The following PRDX3 variants were observed in gnomAD, a reference collection of about 807,000 sequenced individuals.
The protein encoded by PRDX3 is thioredoxin-dependent peroxide reductase, mitochondrial.
In PRDX3, 20 loss-of-function variants were observed where a neutral mutation model predicts 30.4. The observed-to-expected ratio is 0.66, with a 90% CI of 0.46 to 0.96. PRDX3 has a LOEUF of 0.96. Ranked by LOEUF, PRDX3 falls within the 40% of genes least tolerant of loss-of-function variation. PRDX3 has a pLI of 0.00. For synonymous variants in PRDX3, 124 were observed against 117.8 expected (o/e 1.05, Z -0.34); for missense variants, 322 against 318.3 (o/e 1.01, Z -0.09).
intron 1 of PRDX3, 86 bp downstream of exon 1, chr10:119,178,669 G>T: frequency 6.8e-7 from 1 of 1,480,658 alleles, no homozygotes; most frequent in Non-Finnish European, 9.2e-7. Flanking sequence ...TGGCCCTCAT[G>T]CCCAGAAGCG....
At chr10:119,176,464 T>C (rs1169390488) in intron 2 of PRDX3, among the ~76,000 whole-genome samples, 1 of 152,144 alleles carries the variant, frequency 6.6e-6, no homozygotes, top group Admixed American at 6.5e-5. Context: ...TAGTCAAATC[T>C]AGACAAGGTA....
chr10:119,174,720 A>G lies in PRDX3; in HGVS notation c.170-128T>C, dbSNP rs1589664686. 3 of 946,644 alleles carry G rather than the reference A, an allele frequency of 3.2e-6. No homozygotes were observed. In the African/African-American group the frequency reaches 5.1e-5, roughly 16 times the overall value. 58.6% of individuals were successfully genotyped at this position (946,644 alleles called of 1,614,324 possible). A position where few individuals can be genotyped will look rare whatever the true frequency, so the allele number is the denominator to read the frequency against. On this transcript the variant is annotated intron_variant, in intron 2 of 6. Coordinates refer to ENST00000298510, the MANE Select transcript of PRDX3 (RefSeq NM_006793.5). ...AGTATAAATCAAAACATTCGGTTCA[A>G]CTGTACATCTTAGGCACAGTCATCC...
At chr10:119,172,317 C>T (rs897480035) in intron 5 of PRDX3, 65 bp downstream of exon 5, 3 of 1,357,264 alleles carry the variant, frequency 2.2e-6, no homozygotes, top group East Asian at 2.3e-5. Context: ...ACATAAATCC[C>T]CTAAGAAGCA....
chr10:119,169,382 CAGA>C, intron 5 of PRDX3, 40 bp from the exon 6 acceptor site: 2 of 1,567,108 alleles, frequency 1.3e-6, no homozygotes, highest in Non-Finnish European at 1.7e-6. Flanking sequence ...TCAACAGTAC[CAGA>C]ACTAGAACAG....
At chr10:119,170,503 G>C (rs1847879863) in intron 5 of PRDX3, 1 of 151,950 alleles carries the variant, frequency 6.6e-6, no homozygotes, top group Non-Finnish European at 1.5e-5. Flanking sequence ...ATAGGGAAAG[G>C]GACCGTAGGA....
intron 4 of PRDX3, among the ~76,000 whole-genome samples, 187 bp from the exon 5 acceptor site, chr10:119,172,672 A>C (rs1445443392): frequency 6.6e-6 from 1 of 152,222 alleles, no homozygotes; most frequent in East Asian, 1.9e-4. Context: ...TATCAAAATG[A>C]GGAAACTGAG....
intron 5 of PRDX3, among the ~76,000 whole-genome samples, chr10:119,171,997 C>G (rs1167879409): frequency 3.3e-5 from 5 of 152,188 alleles, no homozygotes; most frequent in African/African-American, 1.2e-4. Context: ...ACGCAGCCAG[C>G]CTTCTTCAGA....
intron 2 of PRDX3, among the ~76,000 whole-genome samples, chr10:119,174,987 T>C (rs1564838875): frequency 1.3e-5 from 2 of 152,220 alleles, no homozygotes; most frequent in African/African-American, 2.4e-5. Flanking sequence ...CCATCCATTT[T>C]TCCCTCCCAA....
intron 6 of PRDX3, 32 bp from the exon 7 acceptor site, chr10:119,168,565 T>G (rs375064966): frequency 3.5e-5 from 56 of 1,611,722 alleles, no homozygotes; most frequent in Non-Finnish European, 4.7e-5. Flanking sequence ...TAGGTAACTG[T>G]GACTTTACCA....
intron 4 of PRDX3, among the ~76,000 whole-genome samples, chr10:119,173,436 C>G (rs925924775): frequency 2.0e-5 from 3 of 151,830 alleles, no homozygotes; most frequent in Admixed American, 6.6e-5. Flanking sequence ...ATGGAGACAC[C>G]CCGTCTCTAC....
At chr10:119,174,429 G>A (rs181480403) in intron 3 of PRDX3, 22 bp downstream of exon 3, 1 of 1,586,814 alleles carries the variant, frequency 6.3e-7, no homozygotes, top group Non-Finnish European at 8.5e-7. Context: ...TGACACGAAA[G>A]CATCATAGAA....
At chr10:119,174,429 G>C (rs181480403) in intron 3 of PRDX3, 22 bp downstream of exon 3, 1 of 1,586,814 alleles carries the variant, frequency 6.3e-7, no homozygotes, top group African/African-American at 1.4e-5. Flanking sequence ...TGACACGAAA[G>C]CATCATAGAA....
At chr10:119,171,714 C>G (rs766182453) in intron 5 of PRDX3, among the ~76,000 whole-genome samples, 3 of 152,208 alleles carry the variant, frequency 2.0e-5, no homozygotes, top group Non-Finnish European at 4.4e-5. Context: ...CGTACCACCT[C>G]ATTTTAGTTA....
intron 6 of PRDX3, 62 bp from the exon 7 acceptor site, chr10:119,168,595 G>T: frequency 6.3e-7 from 1 of 1,585,396 alleles, no homozygotes; most frequent in South Asian, 1.1e-5. Context: ...TCCCAAAAGT[G>T]AGTGGCAATC....
chr10:119,174,059 T>C (rs1046717341), intron 3 of PRDX3, among the ~76,000 whole-genome samples, 187 bp from the exon 4 acceptor site: 2 of 152,140 alleles, frequency 1.3e-5, no homozygotes, highest in African/African-American at 4.8e-5. Flanking sequence ...TTTTTAGGAA[T>C]TGTATCAAAA....
chr10:119,178,069 T>C (rs1271151969), intron 1 of PRDX3, among the ~76,000 whole-genome samples: 3 of 151,560 alleles, frequency 2.0e-5, no homozygotes, highest in African/African-American at 4.9e-5. Flanking sequence ...ACTATTATTG[T>C]CCAGGCTGGT....
intron 2 of PRDX3, among the ~76,000 whole-genome samples, chr10:119,176,567 C>T (rs1462199328): frequency 1.3e-5 from 2 of 152,152 alleles, no homozygotes; most frequent in Admixed American, 6.5e-5. Flanking sequence ...CTAAATTTCG[C>T]TCAGATTACA....
chr10:119,173,980 G>A, intron 3 of PRDX3, 108 bp from the exon 4 acceptor site: 1 of 1,108,704 alleles, frequency 9.0e-7, no homozygotes, highest in Non-Finnish European at 1.3e-6. Flanking sequence ...AAGGCAAAAT[G>A]GTTTACCATC....
At chr10:119,175,772 T>C (rs1285397237) in intron 2 of PRDX3, among the ~76,000 whole-genome samples, 1 of 84,576 alleles carries the variant, frequency 1.2e-5, no homozygotes, top group East Asian at 3.3e-4. Context: ...TGTTAGGAGG[T>C]GGTTTCAGTG....
Sources: allele counts gnomAD v4.1 joint callset (sites outside exome capture counted in the v4.1 genomes callset), GRCh38; gene constraint gnomAD v4.1.1; transcripts MANE v1.5; gene names NCBI Gene and HGNC (gene_info 2026-07-23, HGNC 2026-07-21).